The following TENM3 variants were observed in gnomAD, a reference collection of about 807,000 sequenced individuals.
TENM3 encodes teneurin transmembrane protein 3, also known as teneurin-3.
A neutral mutation model predicts 255.1 loss-of-function variants in TENM3; 63 were observed. The ratio of observed to expected loss-of-function variants is 0.25; its 90% confidence interval spans 0.20 to 0.30. The LOEUF is 0.30. Ranked by LOEUF, TENM3 falls within the 10% of genes least tolerant of loss-of-function variation. The pLI is 1.00. For missense variants in TENM3, 2,929 were observed against 3,461.1 expected (o/e 0.85, Z 3.86); for synonymous variants, 1,306 against 1,322.3 (o/e 0.99, Z 0.27).
At chr4:181,566,664 C>G in the TENM3 span, among the ~76,000 whole-genome samples, 1 of 152,158 alleles carries the variant, frequency 6.6e-6, no homozygotes, top group African/African-American at 2.4e-5. Context: ...ACAGGCCCGT[C>G]TGGTTTTCAG....
intron 3 of TENM3, among the ~76,000 whole-genome samples, chr4:182,350,558 G>C (rs1045368783): frequency 2.0e-5 from 3 of 152,158 alleles, no homozygotes; most frequent in Non-Finnish European, 4.4e-5. Flanking sequence ...CCTACTAACA[G>C]CAGTTTGAGT....
At chr4:181,819,508 C>T in the TENM3 span, among the ~76,000 whole-genome samples, 32 of 152,192 alleles carry the variant, frequency 2.1e-4, no homozygotes, top group African/African-American at 5.8e-4. Flanking sequence ...CGGGATTGTT[C>T]GTAATTTTCC....
chr4:182,641,990 A>G (rs3843889), intron 5 of TENM3, among the ~76,000 whole-genome samples: 146,637 of 152,318 alleles, frequency 0.96, 70,618 homozygotes, highest in East Asian at 1. Flanking sequence ...CACAATAACA[A>G]CAAATTCAAT....
At chr4:182,316,177 T>C (rs1236419870) in intron 1 of TENM3, among the ~76,000 whole-genome samples, 2 of 152,226 alleles carry the variant, frequency 1.3e-5, no homozygotes, top group Admixed American at 1.3e-4. Flanking sequence ...TATATTTCTG[T>C]AATATTCTTA....
intron 1 of TENM3, among the ~76,000 whole-genome samples, chr4:182,161,402 C>G (rs567534066): frequency 3.8e-5 from 3 of 79,608 alleles, no homozygotes; most frequent in African/African-American, 1.1e-4. Context: ...GGCGACAGAG[C>G]GAGACTCCGT....
intron 3 of TENM3, among the ~76,000 whole-genome samples, chr4:182,490,471 C>G (rs1250610921): frequency 2.0e-5 from 3 of 152,032 alleles, no homozygotes; most frequent in African/African-American, 7.2e-5. Context: ...ATCCTCAGTG[C>G]TCTCCTCTGC....
chr4:182,662,989 A>G (rs1754355136), intron 6 of TENM3, among the ~76,000 whole-genome samples: 1 of 152,228 alleles, frequency 6.6e-6, no homozygotes, highest in Non-Finnish European at 1.5e-5. Context: ...TTAAACAGGA[A>G]GGCTGTACTA....
chr4:181,927,386 C>T, the TENM3 span, among the ~76,000 whole-genome samples: 2 of 152,334 alleles, frequency 1.3e-5, no homozygotes, highest in African/African-American at 4.8e-5. Flanking sequence ...TTGCCCCTCA[C>T]AGTGTAAATA....
the TENM3 span, among the ~76,000 whole-genome samples, chr4:182,124,614 C>T: frequency 6.6e-6 from 1 of 152,110 alleles, no homozygotes; most frequent in Non-Finnish European, 1.5e-5. Flanking sequence ...GCTGAAAAGG[C>T]GTGGCCAGTA....
the TENM3 span, among the ~76,000 whole-genome samples, chr4:181,675,111 C>A: frequency 6.6e-6 from 1 of 152,070 alleles, no homozygotes; most frequent in African/African-American, 2.4e-5. Flanking sequence ...CTGATACACA[C>A]GCCTGAATCC....
the TENM3 span, among the ~76,000 whole-genome samples, chr4:181,802,913 T>G: frequency 5.9e-5 from 9 of 152,282 alleles, 1 homozygote; most frequent in African/African-American, 1.7e-4. Context: ...TTTACTCCAT[T>G]TGGGGGGTTT....
At chr4:182,438,356 T>C (rs1446438406) in intron 3 of TENM3, among the ~76,000 whole-genome samples, 1 of 152,262 alleles carries the variant, frequency 6.6e-6, no homozygotes, top group Non-Finnish European at 1.5e-5. Context: ...TCTGCTTGTC[T>C]GAGTTTCAGC....
the TENM3 span, among the ~76,000 whole-genome samples, chr4:181,933,533 A>G: frequency 2.6e-5 from 4 of 152,158 alleles, no homozygotes; most frequent in African/African-American, 9.6e-5. Context: ...ATATTCAGAG[A>G]CGTAACCAAA....
At chr4:182,571,534 A>C (rs1218581509) in intron 3 of TENM3, among the ~76,000 whole-genome samples, 1 of 152,142 alleles carries the variant, frequency 6.6e-6, no homozygotes, top group Non-Finnish European at 1.5e-5. Flanking sequence ...CCACACATGC[A>C]CACCCTGCCC....
chr4:182,353,215 T>C (rs752643889), intron 3 of TENM3, among the ~76,000 whole-genome samples: 1 of 152,194 alleles, frequency 6.6e-6, no homozygotes, highest in Non-Finnish European at 1.5e-5. Flanking sequence ...GAGCCTACTT[T>C]GGTTGTTGAT....
At position 182,466,640 on chromosome 4, in the gene TENM3, C is replaced by T. The variant is rs12650699; in HGVS notation, c.511+119711C>T. Among the ~76,000 whole-genome samples, 615 of 152,070 alleles carry T rather than the reference C, an allele frequency of 4.0e-3. 6 individuals are homozygous for T. Among genetic ancestry groups the T allele is most frequent in the Admixed American group, 0.032 (482 of 15,274 alleles). The stretch of plus-strand genomic sequence containing the variant: ...AGCCAGTTTCCAGCCTCTGCGTGTC[C>T]ATTTATCTTATAAGAACCCTGTCTT... On this transcript the variant is annotated intron_variant, in intron 3 of 27. Coordinates refer to ENST00000511685, the MANE Select transcript of TENM3 (RefSeq NM_001080477.4).
chr4:182,469,902 A>AT (rs1042896436), intron 3 of TENM3, among the ~76,000 whole-genome samples: 1 of 147,898 alleles, frequency 6.8e-6, no homozygotes, highest in Non-Finnish European at 1.5e-5. Flanking sequence ...TTTTAATGAT[A>AT]TTTTTTTCTG....
chr4:182,144,739 G>T (rs1200871136), exon 1 of TENM3: 2 of 147,068 alleles, frequency 1.4e-5, no homozygotes, highest in Non-Finnish European at 1.5e-5. Flanking sequence ...CCGGCGGCGC[G>T]GGCGAGCCGA....
At chr4:182,424,341 A>G (rs982385287) in intron 3 of TENM3, among the ~76,000 whole-genome samples, 1 of 152,170 alleles carries the variant, frequency 6.6e-6, no homozygotes, top group Non-Finnish European at 1.5e-5. Context: ...TTTAATGGCA[A>G]TTTGCATTTT....
Sources: allele counts gnomAD v4.1 joint callset (sites outside exome capture counted in the v4.1 genomes callset), GRCh38; gene constraint gnomAD v4.1.1; transcripts MANE v1.5; gene names NCBI Gene and HGNC (gene_info 2026-07-23, HGNC 2026-07-21).